DMC1: variants seen among roughly 807,000 people sequenced by gnomAD.
DMC1 encodes the protein meiotic recombination protein DMC1 homolog.
Under a neutral mutation model 50.1 loss-of-function variants are expected in DMC1, and 27 were observed. The observed-to-expected ratio is 0.54, with a 90% CI of 0.40 to 0.74. The LOEUF (loss-of-function observed/expected upper bound fraction) is 0.74, where lower values mean the gene tolerates loss of function less well. Ranked by LOEUF, DMC1 falls within the 30% of genes least tolerant of loss-of-function variation. DMC1 has a pLI of 0.00. For missense variants in DMC1, 295 were observed against 420.2 expected (o/e 0.70, Z 2.60); for synonymous variants, 148 against 136.1 (o/e 1.09, Z -0.61).
At chr22:38,530,345 TA>T (rs1306042957) in intron 12 of DMC1, among the ~76,000 whole-genome samples, 29 of 145,884 alleles carry the variant, frequency 2.0e-4, no homozygotes, top group South Asian at 6.5e-4. Flanking sequence ...AAGAGGTGGT[TA>T]AAAAAAAAAG....
chr22:38,540,736 T>C (rs1445019217), intron 8 of DMC1, among the ~76,000 whole-genome samples: 2 of 152,318 alleles, frequency 1.3e-5, no homozygotes, highest in African/African-American at 4.8e-5. Flanking sequence ...TCCATTGTTA[T>C]TGAGTATACC....
chr22:38,546,532 TACG>T (rs2090346670), intron 8 of DMC1, among the ~76,000 whole-genome samples: 2 of 152,330 alleles, frequency 1.3e-5, no homozygotes, highest in South Asian at 2.1e-4. Flanking sequence ...TAAAGCCCTG[TACG>T]ACATTTCACC....
At position 38,568,181 on chromosome 22, in the gene DMC1, A is replaced by T. The variant is rs775812977; in HGVS notation, c.51+25T>A. ...TTTTGCGGAATGATCGAATGTCTATATATCTTTCAACATTTTAGTCATACC... is the reference window on the plus strand; with the variant it reads ...TTTTGCGGAATGATCGAATGTCTATTTATCTTTCAACATTTTAGTCATACC... On this transcript the variant is annotated intron_variant, in intron 2 of 13. Coordinates refer to ENST00000216024, the MANE Select transcript of DMC1 (RefSeq NM_007068.4). The T allele has an allele frequency of 3.7e-5, 60 of 1,608,976 alleles. No individual in the cohort carries two copies. In the Middle Eastern group the frequency reaches 4.9e-4, roughly 13 times the overall value.
Position 38,541,048 on chromosome 22 carries a change from A to AGGATTAAACGAGTTTTACT in DMC1, c.495-1655_495-1637dup, listed in dbSNP as rs1362455568. Reference sequence around the variant, plus strand: ...AAGAAATTCTTAACAGTACCTGTTTAGGATTAAACGAGTTTTACTGGGGGC... The same window carrying AGGATTAAACGAGTTTTACT: ...AAGAAATTCTTAACAGTACCTGTTTAGGATTAAACGAGTTTTACTGGATTAAACGAGTTTTACTGGGGGC... On this transcript the variant is annotated intron_variant, in intron 8 of 13. Coordinates refer to ENST00000216024, the MANE Select transcript of DMC1 (RefSeq NM_007068.4). Among the ~76,000 whole-genome samples, 2 of 152,094 alleles carry AGGATTAAACGAGTTTTACT rather than the reference A, an allele frequency of 1.3e-5. 1 individual carries two copies. Among genetic ancestry groups the AGGATTAAACGAGTTTTACT allele is most frequent in the African/African-American group, 4.8e-5 (2 of 41,410 alleles).
Position 38,560,657 on chromosome 22 carries a change from C to T in DMC1, c.326+1630G>A, listed in dbSNP as rs574358696. Among the ~76,000 whole-genome samples the T allele has an allele frequency of 3.3e-5, 5 of 152,082 alleles. No individual in the cohort carries two copies. In the South Asian group the frequency reaches 8.3e-4, roughly 25 times the overall value. On this transcript the variant is annotated intron_variant, in intron 5 of 13. Coordinates refer to ENST00000216024, the MANE Select transcript of DMC1 (RefSeq NM_007068.4). Reference sequence around the variant, plus strand: ...GTAAGAAATAGTTGAATTATATTCTCACTCTCTATGTACACACACACATAT... The same window carrying T: ...GTAAGAAATAGTTGAATTATATTCTTACTCTCTATGTACACACACACATAT...
intron 6 of DMC1, among the ~76,000 whole-genome samples, chr22:38,555,001 G>A (rs1028974783): frequency 1.3e-5 from 2 of 151,556 alleles, no homozygotes; most frequent in Admixed American, 6.6e-5. Flanking sequence ...GGAGAATGGC[G>A]TGAACCCGGG....
At chr22:38,547,546 G>C (rs931546618) in intron 8 of DMC1, among the ~76,000 whole-genome samples, 1 of 142,928 alleles carries the variant, frequency 7.0e-6, no homozygotes, top group Admixed American at 7.0e-5. Flanking sequence ...ATTTGTTTTT[G>C]TTTTTTTTTT....
At chr22:38,517,366 C>T (rs556262895), downstream of DMC1, among the ~76,000 whole-genome samples, 1 of 152,088 alleles carries the variant, frequency 6.6e-6, no homozygotes, top group African/African-American at 2.4e-5. Context: ...GTCAGGAGTT[C>T]GAGACCAGCC....
chr22:38,511,604 A>G, the DMC1 span, among the ~76,000 whole-genome samples: 1 of 152,034 alleles, frequency 6.6e-6, no homozygotes, highest in Admixed American at 6.6e-5. Flanking sequence ...GGAAAAAAAA[A>G]TTGAGCGAGA....
chr22:38,563,996 G>T (rs1286232669), intron 4 of DMC1, among the ~76,000 whole-genome samples: 1 of 151,994 alleles, frequency 6.6e-6, no homozygotes, highest in Non-Finnish European at 1.5e-5. Context: ...CACCAGGCCC[G>T]GCCTCCACAA....
At chr22:38,536,133 C>T (rs1386066094) in intron 12 of DMC1, among the ~76,000 whole-genome samples, 1 of 151,504 alleles carries the variant, frequency 6.6e-6, no homozygotes, top group African/African-American at 2.4e-5. Context: ...GGAGCATCAC[C>T]TGAGCCTGAG....
intron 8 of DMC1, among the ~76,000 whole-genome samples, chr22:38,547,930 C>T (rs1202580939): frequency 2.6e-5 from 4 of 152,124 alleles, no homozygotes; most frequent in Non-Finnish European, 4.4e-5. Flanking sequence ...GGCAAATGTT[C>T]GCTTGAACTC....
intron 5 of DMC1, among the ~76,000 whole-genome samples, chr22:38,561,804 A>C (rs940724537): frequency 2.0e-5 from 3 of 152,092 alleles, no homozygotes; most frequent in Non-Finnish European, 4.4e-5. Context: ...GGGAGAAAAA[A>C]CCCACATTTT....
intron 12 of DMC1, among the ~76,000 whole-genome samples, chr22:38,527,613 G>A (rs1178415886): frequency 6.6e-6 from 1 of 150,566 alleles, no homozygotes; most frequent in Non-Finnish European, 1.5e-5. Flanking sequence ...CTGCTTCCTG[G>A]GTTCAAGCAA....
chr22:38,552,720 GAA>G lies in DMC1; in HGVS notation c.380-15_380-14del, dbSNP rs751533071. 6.4e-7 allele frequency: 1 copy of G among 1,557,592 alleles called. No homozygotes were observed. The highest frequency in any genetic ancestry group is 1.7e-5 in the Admixed American group (1 of 59,682). Reference sequence around the variant, plus strand: ...CCAGTACGAAATTCTGTGAAATACAGAAAAAAATGATTTTAAAAATGCATAAT... The same window carrying G: ...CCAGTACGAAATTCTGTGAAATACAGAAAAATGATTTTAAAAATGCATAAT... On this transcript the variant is annotated splice_polypyrimidine_tract_variant and intron_variant, in intron 6 of 13. Transcript: ENST00000216024.
chr22:38,555,378 C>A lies in DMC1; in HGVS notation c.358G>T (p.Ala120Ser), dbSNP rs757579289. 6 of 1,609,400 alleles carry A rather than the reference C, an allele frequency of 3.7e-6. No individual in the cohort carries two copies. In the South Asian group the frequency reaches 4.4e-5, roughly 12 times the overall value. ...KLLGGGIESM[A>S]ITEAFGEFRT... ...CTACCTCCAAAAGCTTCTGTAATTG[C>A]CATACTTTCAATTCCACCTCCTAGT... The change falls in exon 6 of 14, where the codon GCA becomes TCA. Residue 120 changes from alanine to serine, a missense_variant. By Grantham distance (99) the Ala-to-Ser change is moderately conservative. Transcript: ENST00000216024.
At chr22:38,555,466 G>T in intron 5 of DMC1, 57 bp from the exon 6 acceptor site, 2 of 1,146,156 alleles carry the variant, frequency 1.7e-6, no homozygotes, top group South Asian at 2.5e-5. Context: ...ATTAAGAGAG[G>T]AGAAAGTATT....
intron 6 of DMC1, among the ~76,000 whole-genome samples, chr22:38,555,155 A>G (rs565262136): frequency 3.3e-5 from 5 of 152,136 alleles, no homozygotes; most frequent in African/African-American, 7.2e-5. Context: ...AAGTGTTGAT[A>G]AGACCCATCT....
chr22:38,538,734 C>T (rs891442012), intron 9 of DMC1, 122 bp from the exon 10 acceptor site: 9 of 909,092 alleles, frequency 9.9e-6, no homozygotes, highest in African/African-American at 3.3e-5. Flanking sequence ...TTATTGATGA[C>T]TTTATTAAAT....
Sources: allele counts gnomAD v4.1 joint callset (sites outside exome capture counted in the v4.1 genomes callset), GRCh38; gene constraint gnomAD v4.1.1; transcripts MANE v1.5; gene names NCBI Gene and HGNC (gene_info 2026-07-23, HGNC 2026-07-21).